CHCHD6: variants seen among roughly 807,000 people sequenced by gnomAD.
CHCHD6 encodes the protein coiled-coil-helix-coiled-coil-helix domain containing 6, also known as MICOS complex subunit MIC25.
CHCHD6 carries 28 observed loss-of-function variants against 32.3 expected under a neutral mutation model. The ratio of observed to expected loss-of-function variants is 0.87; its 90% CI spans 0.64 to 1.19. The LOEUF is 1.19. Among genes scored for constraint, CHCHD6 ranks in the 50% most tolerant of loss-of-function variants. The probability of loss-of-function intolerance (pLI) is 0.00; values close to 1 mark genes in which losing one functional copy is unlikely to be tolerated. For synonymous variants in CHCHD6, 122 were observed against 117.5 expected, an observed-to-expected ratio of 1.04 and a Z score of -0.25; for missense variants, 333 against 307.0, an observed-to-expected ratio of 1.08 and a Z score of -0.63.
intron 4 of CHCHD6, among the ~76,000 whole-genome samples, chr3:126,822,833 TC>T (rs1423749196): frequency 6.6e-6 from 1 of 152,226 alleles, no homozygotes; most frequent in Admixed American, 6.5e-5. Flanking sequence ...GTTCAAATGA[TC>T]TGTGTTAGTA....
chr3:126,729,999 A>T (rs1440449849), intron 2 of CHCHD6, among the ~76,000 whole-genome samples: 1 of 152,178 alleles, frequency 6.6e-6, no homozygotes, highest in Admixed American at 6.5e-5. Context: ...CGTGATGATC[A>T]AAAGGGACCT....
At chr3:126,935,191 T>C in intron 6 of CHCHD6, 1 of 985,696 alleles carries the variant, frequency 1.0e-6, no homozygotes, top group Non-Finnish European at 1.2e-6. Flanking sequence ...TGTCAGGTAG[T>C]GGTGAGCGGG....
At chr3:126,898,519 G>T (rs977416311) in intron 5 of CHCHD6, among the ~76,000 whole-genome samples, 8 of 152,036 alleles carry the variant, frequency 5.3e-5, no homozygotes, top group South Asian at 2.1e-4. Context: ...TATTTATTTA[G>T]TTAGTTAGTT....
chr3:126,874,784 A>T (rs2077518943), intron 5 of CHCHD6, among the ~76,000 whole-genome samples: 1 of 151,992 alleles, frequency 6.6e-6, no homozygotes, highest in African/African-American at 2.4e-5. Flanking sequence ...TTACCACACA[A>T]AACAGCCTGC....
At chr3:126,767,492 G>C in intron 4 of CHCHD6, 1 of 570,016 alleles carries the variant, frequency 1.8e-6, no homozygotes, top group East Asian at 3.6e-5. Flanking sequence ...TTCCTCCCAT[G>C]CCTGTTAGGT....
chr3:126,905,483 AC>A (rs1276609698), intron 5 of CHCHD6, among the ~76,000 whole-genome samples: 4 of 152,184 alleles, frequency 2.6e-5, no homozygotes, highest in Non-Finnish European at 5.9e-5. Context: ...TGCAGCGCCT[AC>A]AGGGACAGTG....
rs145340699 is a variant in CHCHD6, at chr3:126,941,063, C to G, written c.567-16353C>G. On this transcript the variant is annotated intron_variant, in intron 6 of 7. Coordinates refer to ENST00000290913, the MANE Select transcript of CHCHD6 (RefSeq NM_032343.3). ...TTGTTGCCAATTTTTCTATTTGTAA[C>G]TTACATTATATTACAAAGACCTTTC... Among the ~76,000 whole-genome samples, 931 of 152,246 alleles carry G rather than the reference C, an allele frequency of 6.1e-3. 9 individuals are homozygous for G. Among genetic ancestry groups the G allele is most frequent in the African/African-American group, 0.021 (890 of 41,532 alleles).
intron 1 of CHCHD6, among the ~76,000 whole-genome samples, chr3:126,709,520 C>T (rs1934654968): frequency 6.6e-6 from 1 of 152,176 alleles, no homozygotes; most frequent in South Asian, 2.1e-4. Context: ...TTTGTTGGGT[C>T]ATTCAGTTTA....
intron 5 of CHCHD6, among the ~76,000 whole-genome samples, chr3:126,868,783 A>T (rs750094318): frequency 6.6e-6 from 1 of 152,202 alleles, no homozygotes; most frequent in South Asian, 2.1e-4. Flanking sequence ...GGCTTTTCCT[A>T]CTAGGTAAAA....
chr3:126,764,214 T>TATATATAC (rs1559829856), intron 4 of CHCHD6, among the ~76,000 whole-genome samples: 1 of 147,662 alleles, frequency 6.8e-6, no homozygotes, highest in African/African-American at 2.5e-5. Context: ...TATATATATA[T>TATATATAC]ATATATATAT....
rs750594493 is a variant in CHCHD6 at position 126,957,505 on chromosome 3, C to T, written c.656C>T (p.Ser219Leu). The T allele has an allele frequency of 1.9e-5, 30 of 1,593,766 alleles. No individual in the cohort carries two copies. The highest frequency in any genetic ancestry group is 1.1e-4 in the South Asian group (10 of 87,644). Residue 219 changes from serine to leucine, a missense_variant, in exon 7 of 8, where the codon TCG (serine) becomes TTG (leucine). Physicochemically the swap from Ser to Leu is moderately radical, Grantham distance 145. Transcript: ENST00000290913. The stretch of plus-strand genomic sequence containing the variant: ...CGCCCGCATGAGGTGCTGCTGTGCT[C>T]GGACCTGGTCAAGGCATACCAGCGC... ...RDRPHEVLLCSDLVKAYQRCV... is the reference protein window; with the variant it reads ...RDRPHEVLLCLDLVKAYQRCV...
chr3:126,733,033 G>C, intron 3 of CHCHD6, 45 bp from the exon 4 acceptor site: 1 of 1,605,616 alleles, frequency 6.2e-7, no homozygotes, highest in Non-Finnish European at 8.5e-7. Flanking sequence ...TGGGCTGCCC[G>C]TCATGCCATC....
chr3:126,761,006 A>T (rs1267549719), intron 4 of CHCHD6, among the ~76,000 whole-genome samples: 1 of 152,004 alleles, frequency 6.6e-6, no homozygotes, highest in Non-Finnish European at 1.5e-5. Flanking sequence ...TCTAATAAAA[A>T]ATAATTTGTA....
chr3:126,760,312 T>G (rs1023761208), intron 4 of CHCHD6, among the ~76,000 whole-genome samples: 1 of 152,232 alleles, frequency 6.6e-6, no homozygotes, highest in East Asian at 1.9e-4. Context: ...CTTGATTTGT[T>G]TTTTCAGTTC....
chr3:126,787,693 TG>T (rs1286755627), intron 4 of CHCHD6, among the ~76,000 whole-genome samples: 4 of 152,258 alleles, frequency 2.6e-5, no homozygotes, highest in Non-Finnish European at 4.4e-5. Flanking sequence ...GAGACTTTGC[TG>T]AAGTTGCTTA....
Position 126,766,870 on chromosome 3 carries a change from A to C in CHCHD6, c.411+33648A>C, listed in dbSNP as rs1559831466. On this transcript the variant is annotated intron_variant, in intron 4 of 7. Coordinates refer to ENST00000290913, the MANE Select transcript of CHCHD6 (RefSeq NM_032343.3). ...ATGTCCAGGGAAGTCAAACAGCTTC[A>C]CCAGGTGGGGGACCATCTCATCCTG... 6.2e-6 allele frequency: 6 copies of C among 965,318 alleles called. No individual in the cohort carries two copies. The African/African-American group carries it at 8.0e-5, about 13-fold the overall frequency. 59.8% of individuals were successfully genotyped at this position (965,318 alleles called of 1,614,324 possible).
chr3:126,815,693 C>T (rs575546710), intron 4 of CHCHD6, among the ~76,000 whole-genome samples: 33 of 139,682 alleles, frequency 2.4e-4, no homozygotes, highest in African/African-American at 7.8e-4. Context: ...TGAGCTCCTT[C>T]TACCTACCAC....
chr3:126,755,838 A>ACATCTGTGTGTGCATG (rs1936935768), intron 4 of CHCHD6, among the ~76,000 whole-genome samples: 1 of 145,876 alleles, frequency 6.9e-6, no homozygotes, highest in African/African-American at 2.5e-5. Context: ...CTGTGTGTGC[A>ACATCTGTGTGTGCATG]TGTGTGTGTG....
chr3:126,833,178 C>T (rs955603305), intron 4 of CHCHD6, among the ~76,000 whole-genome samples: 15 of 152,152 alleles, frequency 9.9e-5, no homozygotes, highest in Admixed American at 6.5e-4. Flanking sequence ...TGTCTCTCAG[C>T]GCTCAAAGCA....
Sources: gnomAD v4.1 joint callset for allele counts (sites outside exome capture counted in the v4.1 genomes callset) on GRCh38, gnomAD v4.1.1 for gene constraint, MANE v1.5 for transcripts, NCBI Gene and HGNC (gene_info 2026-07-23, HGNC 2026-07-21) for gene names.